Variants in KDM5B observed in about 807,000 individuals in gnomAD.
KDM5B encodes lysine demethylase 5B, also known as lysine-specific demethylase 5B.
KDM5B carries 144 observed loss-of-function variants against 193.4 expected under a neutral mutation model. The observed-to-expected ratio is 0.74, with a 90% CI of 0.65 to 0.86. The LOEUF is 0.86. Among genes scored for constraint, KDM5B ranks in the 40% least tolerant of loss-of-function variants. The pLI, the probability that KDM5B is intolerant of heterozygous loss-of-function variation, is 0.00. For synonymous variants in KDM5B, 668 were observed against 682.6 expected (o/e 0.98, Z 0.33); for missense variants, 1,833 against 1,886.9 (o/e 0.97, Z 0.53).
intron 4 of KDM5B, among the ~76,000 whole-genome samples, chr1:202,767,771 T>C (rs1656535034): frequency 6.6e-6 from 1 of 152,162 alleles, no homozygotes; most frequent in Non-Finnish European, 1.5e-5. Flanking sequence ...CAACAGGCCA[T>C]AACAGTCTCA....
At position 202,729,763 on chromosome 1, in the gene KDM5B, CAG is replaced by C; in HGVS notation, c.4439_4440del (p.Ser1480Ter). On this transcript the variant is annotated frameshift_variant, in exon 26 of 27. Transcript: ENST00000367265. LOFTEE classifies it high-confidence loss of function. ...GCTGGGCAGATGGCATCTTCATCCT[CAG>C]AGTCTTCCTGTTCGGAATAGGATGT... The part of the protein sequence containing the change: ...SDTSYSEQED[S>X]EDEDAICPAV... 6.2e-7 allele frequency: 1 copy of C among 1,614,148 alleles called. No homozygotes were observed. Among genetic ancestry groups the C allele is most frequent in the Non-Finnish European group, 8.5e-7 (1 of 1,179,982 alleles).
chr1:202,772,025 G>GA (rs1185324247), intron 4 of KDM5B, among the ~76,000 whole-genome samples: 2 of 152,178 alleles, frequency 1.3e-5, no homozygotes, highest in Non-Finnish European at 2.9e-5. Context: ...AGAGAGGGAA[G>GA]AAAAAATCTA....
At chr1:202,791,111 A>G (rs1055334464) in intron 1 of KDM5B, among the ~76,000 whole-genome samples, 4 of 152,320 alleles carry the variant, frequency 2.6e-5, no homozygotes, top group South Asian at 2.1e-4. Flanking sequence ...ACCCTATGAT[A>G]TATTTCAGAC....
In KDM5B at chr1:202,804,402, G is replaced by A. The variant is rs368733080; in HGVS notation, c.204+3700C>T. Among the ~76,000 whole-genome samples the A allele has an allele frequency of 1.1e-4, 17 of 152,216 alleles. 1 individual carries two copies. Among genetic ancestry groups the A allele is most frequent in the Admixed American group, 6.5e-4 (10 of 15,290 alleles). On this transcript the variant is annotated intron_variant, in intron 1 of 26. Transcript: ENST00000367265. ...ACCAAAGAAATAGGGAAAACAGAGAGAGGGTTAGGCCTAAGTCGATCAAAC... is the reference window on the plus strand; with the variant it reads ...ACCAAAGAAATAGGGAAAACAGAGAAAGGGTTAGGCCTAAGTCGATCAAAC...
chr1:202,730,138 A>C, intron 25 of KDM5B, 111 bp from the exon 26 acceptor site: 1 of 980,832 alleles, frequency 1.0e-6, no homozygotes, highest in Non-Finnish European at 1.5e-6. Context: ...CCCAATCTAC[A>C]CGGGAAAAAA....
At chr1:202,805,117 A>G (rs1658240241) in intron 1 of KDM5B, among the ~76,000 whole-genome samples, 1 of 152,216 alleles carries the variant, frequency 6.6e-6, no homozygotes, top group Non-Finnish European at 1.5e-5. Context: ...GTACAGTATC[A>G]TGGAGGAAAT....
At chr1:202,771,859 C>T (rs938350501) in intron 4 of KDM5B, among the ~76,000 whole-genome samples, 10 of 152,140 alleles carry the variant, frequency 6.6e-5, no homozygotes, top group Admixed American at 2.0e-4. Context: ...GGATTACAGG[C>T]GTGAGCCATC....
At chr1:202,753,153 T>G (rs1477394346) in intron 11 of KDM5B, 86 bp from the exon 12 acceptor site, 2 of 1,138,674 alleles carry the variant, frequency 1.8e-6, no homozygotes, top group Non-Finnish European at 2.5e-6. Context: ...AGACTCGGCT[T>G]TGTAAGACTA....
chr1:202,796,263 G>T, intron 1 of KDM5B: 1 of 412,478 alleles, frequency 2.4e-6, no homozygotes, highest in South Asian at 2.0e-5. Flanking sequence ...GTGTCCTGGA[G>T]CCTCTGTACC....
At chr1:202,787,273 A>T (rs1338406409) in intron 1 of KDM5B, among the ~76,000 whole-genome samples, 6 of 152,132 alleles carry the variant, frequency 3.9e-5, no homozygotes, top group Non-Finnish European at 7.4e-5. Flanking sequence ...GGCCTCCCAA[A>T]GTGCTGAGAT....
At chr1:202,755,135 T>TC (rs1655955787) in intron 11 of KDM5B, 136 bp downstream of exon 11, 4 of 613,988 alleles carry the variant, frequency 6.5e-6, no homozygotes, top group Admixed American at 3.0e-5. Context: ...ATGCCTGTTC[T>TC]AACAGAAGTG....
intron 6 of KDM5B, 57 bp from the exon 7 acceptor site, chr1:202,762,865 A>ATCG (rs1167492395): frequency 1.0e-5 from 6 of 590,550 alleles, no homozygotes; most frequent in African/African-American, 5.7e-5. Context: ...CTTCCTCATC[A>ATCG]TCTCCCTCCC....
Position 202,733,427 on chromosome 1 carries a change from C to G in KDM5B, c.3883G>C (p.Ala1295Pro), listed in dbSNP as rs1213635731. The G allele has an allele frequency of 1.2e-6, 2 of 1,613,274 alleles. No homozygotes were observed. Among genetic ancestry groups the G allele is most frequent in the Non-Finnish European group, 1.7e-6 (2 of 1,179,340 alleles). ...TTGTTTGTGTCTGACACCTGTCCTG[C>G]TGAGGCTTGCCATCTGCTATATAAC... The part of the protein sequence containing the change: ...GLLYSRWQAS[A>P]GQVSDTNKVS... The change falls in exon 23 of 27, where the codon GCA becomes CCA. Residue 1295 changes from alanine (A) to proline (P), a missense_variant. Around this residue, in one of 3 missense-constraint regions of KDM5B, gnomAD observed 1,379 missense variants for 1,349.6 expected, o/e 1.02. Coordinates refer to ENST00000367265, the MANE Select transcript of KDM5B (RefSeq NM_006618.5).
intron 13 of KDM5B, among the ~76,000 whole-genome samples, chr1:202,750,264 G>A (rs966057177): frequency 3.6e-4 from 54 of 152,080 alleles, no homozygotes; most frequent in Admixed American, 5.9e-4. Flanking sequence ...ATGGGTCAAG[G>A]CAACTATCCA....
In KDM5B at chr1:202,750,742, T is replaced by C; in HGVS notation, c.1738A>G (p.Ile580Val). Residue 580 changes from isoleucine to valine, a missense_variant, in exon 13 of 27, where the codon ATT becomes GTT. By Grantham distance (29) the Ile-to-Val change is conservative. Coordinates refer to ENST00000367265, the MANE Select transcript of KDM5B (RefSeq NM_006618.5). ...CTGTGGTAGGCTCTTGGAAATGTAA[T>C]CACAAACTCCCCAGCACACTGATTA... ...RTNQCAGEFVITFPRAYHSGF... is the reference protein window; with the variant it reads ...RTNQCAGEFVVTFPRAYHSGF... 2 of 1,614,016 alleles carry C rather than the reference T, an allele frequency of 1.2e-6. No individual in the cohort carries two copies. Among genetic ancestry groups the C allele is most frequent in the Non-Finnish European group, 1.7e-6 (2 of 1,179,940 alleles).
rs558453085 is a variant in KDM5B at position 202,748,972 on chromosome 1, T to C, written c.1989A>G (p.Lys663=). 5.6e-6 allele frequency: 9 copies of C among 1,612,788 alleles called. No individual in the cohort carries two copies. In the South Asian group the frequency reaches 9.9e-5, roughly 18 times the overall value. The change falls in exon 14 of 27, where the codon AAA becomes AAG. Residue 663 remains lysine, a synonymous_variant. Transcript: ENST00000367265. Reference sequence around the variant, plus strand: ...ATTTACGGACAGTTTCTCTTAAAGCTTTCTCATCCTCAATCATAATGGCCA... The same window carrying C: ...ATTTACGGACAGTTTCTCTTAAAGCCTTCTCATCCTCAATCATAATGGCCA... ...KDMAIMIEDE[K]ALRETVRKLG...
chr1:202,800,138 G>A (rs950894442), intron 1 of KDM5B, among the ~76,000 whole-genome samples: 4 of 151,738 alleles, frequency 2.6e-5, no homozygotes, highest in Non-Finnish European at 5.9e-5. Context: ...CCACCTCCCA[G>A]GTTCAAGTGA....
intron 3 of KDM5B, among the ~76,000 whole-genome samples, chr1:202,773,562 C>G (rs1431644836): frequency 3.3e-5 from 5 of 152,074 alleles, no homozygotes; most frequent in African/African-American, 1.2e-4. Flanking sequence ...GTGGAAAGAA[C>G]CAGGTTACCT....
chr1:202,754,127 G>C (rs917564512), intron 11 of KDM5B, among the ~76,000 whole-genome samples: 8 of 152,106 alleles, frequency 5.3e-5, no homozygotes, highest in African/African-American at 1.9e-4. Context: ...AAGGCAATTA[G>C]CATTTCTAAG....
Sources: gnomAD v4.1 joint callset for allele counts (sites outside exome capture counted in the v4.1 genomes callset) on GRCh38, gnomAD v4.1.1 for gene constraint, gnomAD v4.1.1 regional missense constraint, MANE v1.5 for transcripts, NCBI Gene and HGNC (gene_info 2026-07-23, HGNC 2026-07-21) for gene names.